The following RESF1 variants were observed in gnomAD, a reference collection of about 807,000 sequenced individuals.
RESF1 encodes the protein gonad expressed transcript.
Under a neutral mutation model 134.7 loss-of-function variants are expected in RESF1, and 65 were observed. That is an observed-to-expected ratio of 0.48 (90% confidence interval 0.40 to 0.59). The LOEUF is 0.59. Ranked by LOEUF, RESF1 falls within the 20% of genes least tolerant of loss-of-function variation. The probability of loss-of-function intolerance (pLI) is 0.00; values close to 1 mark genes in which losing one functional copy is unlikely to be tolerated. For synonymous variants in RESF1, 762 were observed against 702.2 expected (o/e 1.09, Z -1.35); for missense variants, 2,274 against 2,002.7 (o/e 1.14, Z -2.59).
In RESF1 at chr12:31,982,303, A is replaced by G. The variant is rs779869958; in HGVS notation, c.1348A>G (p.Lys450Glu). ...TAAATTGTCTCTAAAACAAACTGCC[A>G]AAATCCAGTCTGGACCCCAGATAAC... ...NSKLSLKQTAKIQSGPQITPV... is the reference protein window; with the variant it reads ...NSKLSLKQTAEIQSGPQITPV... Residue 450 changes from lysine to glutamate, a missense_variant, in exon 4 of 6, where the codon AAA becomes GAA. By Grantham distance (56) the Lys-to-Glu change is moderately conservative. Transcript: ENST00000312561. The G allele has an allele frequency of 8.7e-6, 14 of 1,614,052 alleles. No homozygotes were observed. In the South Asian group the frequency reaches 9.9e-5, roughly 11 times the overall value.
chr12:31,975,123 A>G (rs1338732351), intron 3 of RESF1, among the ~76,000 whole-genome samples: 2 of 151,870 alleles, frequency 1.3e-5, no homozygotes, highest in Non-Finnish European at 2.9e-5. Flanking sequence ...AAATATAAAA[A>G]ATGAGTCAGG....
chr12:31,976,837 CAAAAG>C (rs1288228087), intron 3 of RESF1, among the ~76,000 whole-genome samples: 1 of 152,070 alleles, frequency 6.6e-6, no homozygotes, highest in African/African-American at 2.4e-5. Flanking sequence ...GTAGCATAGA[CAAAAG>C]AAAATCCACG....
In RESF1 at chr12:31,983,675, C is replaced by T. The variant is rs767925730; in HGVS notation, c.2720C>T (p.Ser907Phe). The T allele has an allele frequency of 1.9e-6, 3 of 1,613,870 alleles. No homozygotes were observed. The highest frequency in any genetic ancestry group is 2.5e-6 in the Non-Finnish European group (3 of 1,179,952). ...GTTGAAGGTGATACCTCTTACAATT[C>T]CCAAATAGCAAAGATATTCAGCTCT... ...SLVEGDTSYNSQIAKIFSSLP... is the reference protein window; with the variant it reads ...SLVEGDTSYNFQIAKIFSSLP... Residue 907 changes from serine (S) to phenylalanine (F), a missense_variant, in exon 4 of 6, where the codon TCC becomes TTC. Transcript: ENST00000312561.
In RESF1 at chr12:31,983,531, A is replaced by G. The variant is rs1939865130; in HGVS notation, c.2576A>G (p.His859Arg). Residue 859 changes from histidine (H) to arginine (R), a missense_variant, in exon 4 of 6, where the codon CAT becomes CGT. By Grantham distance (29) the His-to-Arg change is conservative (BLOSUM62 0). Coordinates refer to ENST00000312561, the MANE Select transcript of RESF1 (RefSeq NM_018169.4). The stretch of plus-strand genomic sequence containing the variant: ...ACACCTAATGTCAATCAAGGAAAGC[A>G]TAACAAATTAGAGTCAGCTATCCAT... ...EVTPNVNQGK[H>R]NKLESAIHSP... 1 of 1,614,180 alleles carries G rather than the reference A, an allele frequency of 6.2e-7. No homozygotes were observed. Among genetic ancestry groups the G allele is most frequent in the Non-Finnish European group, 8.5e-7 (1 of 1,180,012 alleles).
intron 2 of RESF1, among the ~76,000 whole-genome samples, chr12:31,966,875 A>G (rs1939408911): frequency 6.6e-6 from 1 of 152,200 alleles, no homozygotes; most frequent in Admixed American, 6.5e-5. Flanking sequence ...ATGGGAAGGC[A>G]GAGTTGTAGG....
At chr12:31,971,845 C>A (rs553037743) in intron 3 of RESF1, among the ~76,000 whole-genome samples, 2 of 152,254 alleles carry the variant, frequency 1.3e-5, no homozygotes, top group South Asian at 4.1e-4. Context: ...TTTTCTGTTA[C>A]TTATAGCAGA....
chr12:31,984,837 A>G lies in RESF1; in HGVS notation c.3882A>G (p.Arg1294=), dbSNP rs1307045741. The change falls in exon 4 of 6, where the codon AGA becomes AGG. Residue 1294 remains arginine (R), a synonymous_variant. Transcript: ENST00000312561. ...DKLNPLQNHK[R]KKLRFHEVTF... The stretch of plus-strand genomic sequence containing the variant: ...TAAATCCCTTGCAAAATCACAAAAG[A>G]AAAAAATTGAGGTTTCACGAGGTAA... The G allele has an allele frequency of 1.8e-5, 29 of 1,601,948 alleles. No homozygotes were observed. The highest frequency in any genetic ancestry group is 2.5e-5 in the Non-Finnish European group (29 of 1,177,146).
chr12:31,959,516 G>A (rs113398785), intron 1 of RESF1, 25 bp downstream of exon 1: 30,080 of 152,294 alleles, frequency 0.2, 3,573 homozygotes, highest in South Asian at 0.31. Context: ...AGCACCCCGA[G>A]GTCCCTCCGC....
rs146203788 is a variant in RESF1, at chr12:31,984,478, T to C, written c.3523T>C (p.Leu1175=). The change falls in exon 4 of 6, where the codon TTG becomes CTG. Residue 1175 remains leucine, a synonymous_variant. Coordinates refer to ENST00000312561, the MANE Select transcript of RESF1 (RefSeq NM_018169.4). ...SEKDDIHCCA[L]GWLSMVYEGV... is the part of the protein sequence containing the mutation. ...GAAAGATGATATCCACTGCTGTGCA[T>C]TGGGCTGGCTCTCCATGGTTTACGA... 1.1e-4 allele frequency: 179 copies of C among 1,612,604 alleles called. No homozygotes were observed. The East Asian group carries it at 3.0e-3, about 27-fold the overall frequency.
In RESF1 at chr12:31,982,843, A is replaced by G. The variant is rs1939839604; in HGVS notation, c.1888A>G (p.Lys630Glu). The change falls in exon 4 of 6, where the codon AAG (lysine) becomes GAG (glutamate). Residue 630 changes from lysine to glutamate, a missense_variant. Lys to Glu is a moderately conservative substitution (Grantham distance 56). Transcript: ENST00000312561. ...AATGACTGGTAACCAACTGAATTTGAAGAACATGGAAACTCCAAGTACTTC... is the reference window on the plus strand; with the variant it reads ...AATGACTGGTAACCAACTGAATTTGGAGAACATGGAAACTCCAAGTACTTC... ...TQMTGNQLNLKNMETPSTSNV... is the reference protein window; with the variant it reads ...TQMTGNQLNLENMETPSTSNV... The G allele has an allele frequency of 5.6e-6, 9 of 1,614,044 alleles. No individual in the cohort carries two copies. Among genetic ancestry groups the G allele is most frequent in the Non-Finnish European group, 7.6e-6 (9 of 1,180,024 alleles).
At chr12:31,960,701 T>C (rs898369792) in intron 1 of RESF1, 76 bp from the exon 2 acceptor site, 12 of 152,234 alleles carry the variant, frequency 7.9e-5, no homozygotes, top group Admixed American at 3.9e-4. Flanking sequence ...GAAAACAGTT[T>C]TGCACAGCAG....
Position 31,987,291 on chromosome 12 carries a change from GA to G in RESF1, c.5059del (p.Arg1687GlyfsTer33). The G allele has an allele frequency of 6.2e-7, 1 of 1,603,060 alleles. No homozygotes were observed. Among genetic ancestry groups the G allele is most frequent in the Non-Finnish European group, 8.5e-7 (1 of 1,171,474 alleles). On this transcript the variant is annotated frameshift_variant, in exon 5 of 6. Transcript: ENST00000312561. LOFTEE classifies it low-confidence loss of function (END_TRUNC). ...EDWLKFVATK[K>X]RTQKDSQERD... is the part of the protein sequence containing the mutation. ...ACTGGTTAAAATTTGTTGCTACAAA[GA>G]AAAGGACACAGAAAGACAGCCAAGA...
At chr12:31,989,990 A>C (rs1451084760) in intron 5 of RESF1, among the ~76,000 whole-genome samples, 4 of 152,206 alleles carry the variant, frequency 2.6e-5, no homozygotes, top group African/African-American at 4.8e-5. Context: ...CAGTGGGAAA[A>C]CAATGCCTCT....
At chr12:31,965,201 C>T (rs1230667019) in intron 2 of RESF1, among the ~76,000 whole-genome samples, 1 of 152,184 alleles carries the variant, frequency 6.6e-6, no homozygotes, top group Non-Finnish European at 1.5e-5. Flanking sequence ...AAGTGATCAG[C>T]GTGCCTCTGC....
rs781173622 is a variant in RESF1 at position 31,983,493 on chromosome 12, T to G, written c.2538T>G (p.Gly846=). 6.2e-7 allele frequency: 1 copy of G among 1,614,122 alleles called. No individual in the cohort carries two copies. The highest frequency in any genetic ancestry group is 1.7e-5 in the Admixed American group (1 of 60,022). ...QKEKQNESTN[G]NSEVTPNVNQ... is the part of the protein sequence containing the mutation. ...AAAAGCAGAATGAGTCAACTAATGG[T>G]AATTCAGAAGTCACACCTAATGTCA... is the stretch of plus-strand genomic sequence containing the variant. Residue 846 remains glycine, a synonymous_variant, in exon 4 of 6, where the codon GGT becomes GGG. Transcript: ENST00000312561.
intron 3 of RESF1, among the ~76,000 whole-genome samples, chr12:31,972,056 A>G (rs891212375): frequency 1.3e-5 from 2 of 152,146 alleles, no homozygotes; most frequent in African/African-American, 2.4e-5. Flanking sequence ...GAGCAGGTGG[A>G]GGTTCCTAGA....
intron 3 of RESF1, among the ~76,000 whole-genome samples, chr12:31,980,108 CTTT>C (rs61587386): frequency 7.6e-4 from 87 of 114,392 alleles, no homozygotes; most frequent in South Asian, 2.7e-3. Context: ...TTTTCTTTTC[CTTT>C]TTTTTTTTTT....
Position 31,984,019 on chromosome 12 carries a change from C to T in RESF1, c.3064C>T (p.Pro1022Ser). 1 of 1,613,920 alleles carries T rather than the reference C, an allele frequency of 6.2e-7. No homozygotes were observed. Among genetic ancestry groups the T allele is most frequent in the South Asian group, 1.1e-5 (1 of 91,062 alleles). Residue 1022 changes from proline to serine, a missense_variant, in exon 4 of 6, where the codon CCT (proline) becomes TCT (serine). Coordinates refer to ENST00000312561, the MANE Select transcript of RESF1 (RefSeq NM_018169.4). ...AGCTGCTATTCAGGAGGATATTTACCCTCAGGAAATAGATGCATCCAGCAA... is the reference window on the plus strand; with the variant it reads ...AGCTGCTATTCAGGAGGATATTTACTCTCAGGAAATAGATGCATCCAGCAA... ...SSAAIQEDIY[P>S]QEIDASSNYT...
At chr12:31,973,670 G>A (rs1592254635) in intron 3 of RESF1, among the ~76,000 whole-genome samples, 1 of 125,454 alleles carries the variant, frequency 8.0e-6, no homozygotes. Context: ...GAAGGAGAGG[G>A]ATGGAGGAAA....
Sources: gnomAD v4.1 joint callset for allele counts (sites outside exome capture counted in the v4.1 genomes callset) on GRCh38, gnomAD v4.1.1 for gene constraint, MANE v1.5 for transcripts, NCBI Gene and HGNC (gene_info 2026-07-23, HGNC 2026-07-21) for gene names.